The following MARCHF8 variants were observed in gnomAD, a reference collection of about 807,000 sequenced individuals.
MARCHF8 encodes E3 ubiquitin-protein ligase MARCHF8.
MARCHF8 carries 40 observed loss-of-function variants against 51.6 expected under a neutral mutation model. The ratio of observed to expected loss-of-function variants is 0.77; its 90% CI spans 0.60 to 1.01. MARCHF8 has a LOEUF of 1.01. MARCHF8 is among the 50% of genes least tolerant of loss of function. The pLI is 0.00. For synonymous variants in MARCHF8, 263 were observed against 280.3 expected (o/e 0.94, Z 0.62); for missense variants, 685 against 708.6 (o/e 0.97, Z 0.38).
At chr10:45,485,756 ACTG>A (rs907451795) in intron 3 of MARCHF8, among the ~76,000 whole-genome samples, 3 of 152,222 alleles carry the variant, frequency 2.0e-5, no homozygotes, top group Admixed American at 6.5e-5. Flanking sequence ...CATAAAGCAG[ACTG>A]CAGTGACTGG....
rs563556825 is a variant in MARCHF8, at chr10:45,530,050, C to T, written c.102+3060G>A. Reference sequence around the variant, plus strand: ...TAAAATCAATCTAAGTGCCCATCAACGGATGATTGGATAAAGTAATCCACA... The same window carrying T: ...TAAAATCAATCTAAGTGCCCATCAATGGATGATTGGATAAAGTAATCCACA... On this transcript the variant is annotated intron_variant, in intron 2 of 7. Transcript: ENST00000453424. Among the ~76,000 whole-genome samples, 5 of 152,240 alleles carry T rather than the reference C, an allele frequency of 3.3e-5. No homozygotes were observed. In the East Asian group the frequency reaches 5.8e-4, roughly 18 times the overall value.
At chr10:45,479,129 A>G (rs1400916231) in intron 3 of MARCHF8, among the ~76,000 whole-genome samples, 1 of 152,228 alleles carries the variant, frequency 6.6e-6, no homozygotes, top group Non-Finnish European at 1.5e-5. Context: ...ATCCAATTGC[A>G]CATCAAAAAG....
intron 1 of MARCHF8, among the ~76,000 whole-genome samples, chr10:45,586,944 G>A (rs2044625330): frequency 1.3e-5 from 2 of 150,830 alleles, no homozygotes; most frequent in South Asian, 4.2e-4. Context: ...AAGTGCATAC[G>A]TTTTAATTTT....
At chr10:45,459,913 G>A (rs144454454) in intron 6 of MARCHF8, 16 of 985,004 alleles carry the variant, frequency 1.6e-5, no homozygotes, top group Non-Finnish European at 1.8e-5. Flanking sequence ...CATAAAGGTA[G>A]AGAGAAAGAA....
upstream of MARCHF8, among the ~76,000 whole-genome samples, chr10:45,537,432 C>T (rs1357200386): frequency 6.6e-6 from 1 of 152,072 alleles, no homozygotes; most frequent in Non-Finnish European, 1.5e-5. Context: ...GTGGGTGAAT[C>T]GCTTGAGCCC....
At chr10:45,519,055 C>T (rs945377659) in intron 2 of MARCHF8, among the ~76,000 whole-genome samples, 3 of 152,180 alleles carry the variant, frequency 2.0e-5, no homozygotes, top group Non-Finnish European at 4.4e-5. Flanking sequence ...CACAAAAAAA[C>T]TTCTGACAGA....
chr10:45,502,931 A>AAATAAT (rs145587600), intron 2 of MARCHF8, among the ~76,000 whole-genome samples: 4 of 151,936 alleles, frequency 2.6e-5, no homozygotes, highest in Admixed American at 2.0e-4. Flanking sequence ...GGCTGAAAGC[A>AAATAAT]AATAATAATA....
At chr10:45,469,603 C>T (rs1166443445) in intron 3 of MARCHF8, among the ~76,000 whole-genome samples, 3 of 152,130 alleles carry the variant, frequency 2.0e-5, no homozygotes, top group African/African-American at 7.2e-5. Context: ...CGGTGGCTCA[C>T]GCCTGTAATC....
chr10:45,555,240 AG>A (rs201910716), intron 1 of MARCHF8, among the ~76,000 whole-genome samples: 2 of 151,722 alleles, frequency 1.3e-5, no homozygotes, highest in African/African-American at 4.8e-5. Flanking sequence ...CAAGAAAAAA[AG>A]AAGGGACAAT....
chr10:45,532,821 T>C (rs1271947917), intron 2 of MARCHF8, among the ~76,000 whole-genome samples: 1 of 152,240 alleles, frequency 6.6e-6, no homozygotes, highest in Non-Finnish European at 1.5e-5. Flanking sequence ...AGCAGCATCA[T>C]GTTCTGAGAA....
chr10:45,592,238 T>C (rs1039756232), intron 1 of MARCHF8, among the ~76,000 whole-genome samples: 3 of 152,184 alleles, frequency 2.0e-5, no homozygotes, highest in Non-Finnish European at 2.9e-5. Context: ...AATTTCAAAA[T>C]TGAAAACCCT....
upstream of MARCHF8, among the ~76,000 whole-genome samples, chr10:45,536,835 AAATAATAATAATAATAATAATAAT>A (rs60341718): frequency 3.0e-5 from 4 of 134,824 alleles, no homozygotes; most frequent in African/African-American, 1.1e-4. Context: ...ATCTCTACCA[AAATAATAATAATAATAATAATAAT>A]AATAATAATA....
chr10:45,578,488 G>T (rs774115114), intron 1 of MARCHF8, among the ~76,000 whole-genome samples: 2 of 152,118 alleles, frequency 1.3e-5, no homozygotes, highest in Non-Finnish European at 2.9e-5. Context: ...GGAGGGAAAG[G>T]TCTTCCTTAC....
chr10:45,473,626 A>T (rs1240361275), intron 3 of MARCHF8, among the ~76,000 whole-genome samples: 2 of 152,206 alleles, frequency 1.3e-5, no homozygotes, highest in Non-Finnish European at 2.9e-5. Context: ...CAAAAAGTCC[A>T]GCCCCTATGA....
intron 6 of MARCHF8, among the ~76,000 whole-genome samples, chr10:45,460,660 G>C (rs1842756761): frequency 6.6e-6 from 1 of 152,218 alleles, no homozygotes; most frequent in Non-Finnish European, 1.5e-5. Context: ...TCCTCTCAGA[G>C]GGAGCAGTGA....
intron 1 of MARCHF8, among the ~76,000 whole-genome samples, chr10:45,560,613 G>A (rs758874107): frequency 5.9e-5 from 9 of 152,144 alleles, no homozygotes; most frequent in East Asian, 1.9e-4. Flanking sequence ...TGAGCAGCCC[G>A]GTCCCCTAGC....
chr10:45,499,988 G>C (rs549494076), intron 2 of MARCHF8, among the ~76,000 whole-genome samples: 1 of 152,276 alleles, frequency 6.6e-6, no homozygotes, highest in South Asian at 2.1e-4. Context: ...CTGAGATTTT[G>C]AGAAGGATTA....
chr10:45,469,819 C>T (rs987269655), intron 3 of MARCHF8, among the ~76,000 whole-genome samples: 2 of 118,520 alleles, frequency 1.7e-5, no homozygotes, highest in African/African-American at 3.3e-5. Flanking sequence ...GAGCCGAGAT[C>T]GCGCCACTGC....
intron 1 of MARCHF8, among the ~76,000 whole-genome samples, chr10:45,533,767 G>C (rs2043928770): frequency 6.6e-6 from 1 of 152,094 alleles, no homozygotes; most frequent in Non-Finnish European, 1.5e-5. Flanking sequence ...CAAAAGTAGA[G>C]ACTCTACACG....
Sources: gnomAD v4.1 joint callset for allele counts (sites outside exome capture counted in the v4.1 genomes callset) on GRCh38, gnomAD v4.1.1 for gene constraint, MANE v1.5 for transcripts, NCBI Gene and HGNC (gene_info 2026-07-23, HGNC 2026-07-21) for gene names.